Variants in TBC1D19 observed in about 807,000 individuals in gnomAD.
TBC1D19 encodes the protein TBC1 domain family member 19.
In TBC1D19, 60 loss-of-function variants were observed where a neutral mutation model predicts 89.0. The observed-to-expected ratio is 0.67, with a 90% CI of 0.55 to 0.84. The LOEUF is 0.84. Ranked by LOEUF, TBC1D19 falls within the 40% of genes least tolerant of loss-of-function variation. TBC1D19 has a pLI of 0.00. For synonymous variants in TBC1D19, 189 were observed against 199.7 expected (o/e 0.95, Z 0.45); for missense variants, 500 against 610.8 (o/e 0.82, Z 1.91).
chr4:26,694,903 C>G (rs1296425419), intron 13 of TBC1D19, among the ~76,000 whole-genome samples: 1 of 152,152 alleles, frequency 6.6e-6, no homozygotes, highest in African/African-American at 2.4e-5. Context: ...ACGTCACCAT[C>G]ATCAAAGACC....
the TBC1D19 span, among the ~76,000 whole-genome samples, chr4:26,772,448 G>A: frequency 1.3e-5 from 2 of 152,030 alleles, no homozygotes; most frequent in African/African-American, 2.4e-5. Context: ...TCTGGGTGGG[G>A]GGGAGCCATC....
At chr4:26,834,447 G>A in the TBC1D19 span, among the ~76,000 whole-genome samples, 1 of 152,224 alleles carries the variant, frequency 6.6e-6, no homozygotes, top group Non-Finnish European at 1.5e-5. Flanking sequence ...GTTGGGGGTT[G>A]GATCAATGCC....
At chr4:26,584,078 A>C, upstream of TBC1D19, 1 of 977,114 alleles carries the variant, frequency 1.0e-6, no homozygotes, top group Non-Finnish European at 1.5e-6. Flanking sequence ...CCGCTGGAGG[A>C]GTCCCAGTGT....
the TBC1D19 span, among the ~76,000 whole-genome samples, chr4:26,818,734 T>C: frequency 6.6e-6 from 1 of 152,196 alleles, no homozygotes; most frequent in Non-Finnish European, 1.5e-5. Context: ...GACGAACTCT[T>C]CTCAGTTTGT....
At chr4:26,658,185 G>T (rs1744986815) in intron 7 of TBC1D19, among the ~76,000 whole-genome samples, 3 of 152,158 alleles carry the variant, frequency 2.0e-5, no homozygotes, top group Admixed American at 6.5e-5. Context: ...GAATGGTATT[G>T]CTTAGATTTT....
At chr4:26,796,499 C>A in the TBC1D19 span, among the ~76,000 whole-genome samples, 4 of 151,894 alleles carry the variant, frequency 2.6e-5, no homozygotes, top group Non-Finnish European at 5.9e-5. Flanking sequence ...GCTCATATTT[C>A]TATTAAGTTG....
At chr4:26,835,908 C>T in the TBC1D19 span, among the ~76,000 whole-genome samples, 1 of 151,934 alleles carries the variant, frequency 6.6e-6, no homozygotes, top group Non-Finnish European at 1.5e-5. Context: ...CTCTTCTTTC[C>T]TGTTCTCCCC....
At chr4:26,584,034 A>T, upstream of TBC1D19, 1 of 672,678 alleles carries the variant, frequency 1.5e-6, no homozygotes, top group Non-Finnish European at 2.5e-6. Context: ...CCAGAGAGGG[A>T]CGGACACAAG....
chr4:26,687,691 G>A (rs565134360), intron 12 of TBC1D19, among the ~76,000 whole-genome samples: 8 of 152,098 alleles, frequency 5.3e-5, no homozygotes, highest in East Asian at 1.9e-4. Context: ...GTGGTACTAC[G>A]TATACAAAAA....
the TBC1D19 span, among the ~76,000 whole-genome samples, chr4:26,791,776 A>G: frequency 6.6e-6 from 1 of 152,256 alleles, no homozygotes; most frequent in South Asian, 2.1e-4. Flanking sequence ...CTGGGACAGG[A>G]GCAGTTTTAC....
the TBC1D19 span, among the ~76,000 whole-genome samples, chr4:26,795,028 C>A: frequency 6.6e-6 from 1 of 152,182 alleles, no homozygotes; most frequent in African/African-American, 2.4e-5. Context: ...CCTTTCAATC[C>A]GTAAGTCAGA....
At chr4:26,680,067 G>T (rs1189558710) in intron 11 of TBC1D19, among the ~76,000 whole-genome samples, 2 of 152,082 alleles carry the variant, frequency 1.3e-5, no homozygotes, top group Non-Finnish European at 2.9e-5. Flanking sequence ...TTTATAAGGG[G>T]CTTCCCCCTT....
At chr4:26,696,196 AG>A (rs1714763809) in intron 13 of TBC1D19, among the ~76,000 whole-genome samples, 1 of 152,244 alleles carries the variant, frequency 6.6e-6, no homozygotes. Context: ...AAAAAAAGGC[AG>A]GGGTTGCAAT....
intron 15 of TBC1D19, among the ~76,000 whole-genome samples, chr4:26,723,506 C>A (rs978689147): frequency 6.6e-6 from 1 of 152,116 alleles, no homozygotes; most frequent in Non-Finnish European, 1.5e-5. Context: ...GTTTTCTCAC[C>A]ACTACCCCCA....
In TBC1D19 at chr4:26,715,464, G is replaced by A. The variant is rs112805517; in HGVS notation, c.955-2469G>A. ...CAGGGAAGCCAATTTAGATGGAGAC[G>A]AGGATACCAAAGGATTATTAGCGAG... On this transcript the variant is annotated intron_variant, in intron 13 of 20. Transcript: ENST00000264866. Among the ~76,000 whole-genome samples the A allele has an allele frequency of 2.6e-5, 4 of 152,172 alleles. No homozygotes were observed. The East Asian group carries it at 7.8e-4, about 30-fold the overall frequency.
the TBC1D19 span, among the ~76,000 whole-genome samples, chr4:26,810,048 C>T: frequency 6.6e-6 from 1 of 152,198 alleles, no homozygotes; most frequent in South Asian, 2.1e-4. Flanking sequence ...CCTTCTTGCC[C>T]TCACACAGGG....
intron 3 of TBC1D19, among the ~76,000 whole-genome samples, chr4:26,618,860 G>T (rs1311844401): frequency 6.6e-6 from 1 of 152,090 alleles, no homozygotes; most frequent in African/African-American, 2.4e-5. Flanking sequence ...GAACATCTTA[G>T]GTTATTTAGG....
the TBC1D19 span, among the ~76,000 whole-genome samples, chr4:26,817,981 A>AAAAAAT: frequency 3.2e-5 from 4 of 126,052 alleles, no homozygotes; most frequent in African/African-American, 1.5e-4. Flanking sequence ...AAAAAAAAAA[A>AAAAAAT]ATATATATAT....
chr4:26,820,950 G>A, the TBC1D19 span, among the ~76,000 whole-genome samples: 1 of 152,208 alleles, frequency 6.6e-6, no homozygotes, highest in African/African-American at 2.4e-5. Flanking sequence ...CTGGAATACA[G>A]TGGGCATATA....
Sources: allele counts gnomAD v4.1 joint callset (sites outside exome capture counted in the v4.1 genomes callset), GRCh38; gene constraint gnomAD v4.1.1; transcripts MANE v1.5; gene names NCBI Gene and HGNC (gene_info 2026-07-23, HGNC 2026-07-21).